The following ZNF516 variants were observed in gnomAD, a reference collection of about 807,000 sequenced individuals.
ZNF516 encodes the protein zinc finger protein 516.
Under a neutral mutation model 79.7 loss-of-function variants are expected in ZNF516, and 19 were observed. That is an observed-to-expected ratio of 0.24 (90% CI 0.17 to 0.35). The LOEUF (loss-of-function observed/expected upper bound fraction) is 0.35, where lower values mean the gene tolerates loss of function less well. Ranked by LOEUF, ZNF516 falls within the 10% of genes least tolerant of loss-of-function variation. The pLI, the probability that ZNF516 is intolerant of heterozygous loss-of-function variation, is 1.00. For missense variants in ZNF516, 1,678 were observed against 1,679.5 expected (o/e 1.00, Z 0.02); for synonymous variants, 877 against 739.5 (o/e 1.19, Z -3.02).
chr18:76,494,252 TTC>T (rs1330886892), intron 1 of ZNF516, among the ~76,000 whole-genome samples: 7 of 152,162 alleles, frequency 4.6e-5, no homozygotes, highest in African/African-American at 1.7e-4. Context: ...ATCGTAACTA[TTC>T]AGTCTGTTAG....
chr18:76,439,395 CCTCT>C (rs1241724689), intron 3 of ZNF516, among the ~76,000 whole-genome samples: 2 of 152,160 alleles, frequency 1.3e-5, no homozygotes, highest in African/African-American at 2.4e-5. Flanking sequence ...AAATTTCTGT[CCTCT>C]CTCAATAAGC....
chr18:76,371,912 C>T lies in ZNF516; in HGVS notation c.3260-341G>A, dbSNP rs571313837. 3.3e-5 allele frequency among the ~76,000 whole-genome samples: 5 copies of T among 152,350 alleles called. No homozygotes were observed. The East Asian group carries it at 9.7e-4, about 29-fold the overall frequency. On this transcript the variant is annotated intron_variant, in intron 4 of 6. Transcript: ENST00000443185. ...ACCCGGCTCTGTCAAGCAGCACATC[C>T]AGCAAATCAGAGTGACACCGGCGTG...
In ZNF516 at chr18:76,466,668, C is replaced by T. The variant is rs539022318; in HGVS notation, c.-271-3527G>A. Among the ~76,000 whole-genome samples, 16 of 152,352 alleles carry T rather than the reference C, an allele frequency of 1.1e-4. 1 individual carries two copies. The South Asian group carries it at 2.9e-3, about 28-fold the overall frequency. ...CGTGGCACACAGGACGCAGTGGTGC[C>T]TGCCTGCCAAGCCTGGGATGGGTGT... On this transcript the variant is annotated intron_variant, in intron 1 of 6. Coordinates refer to ENST00000443185, the MANE Select transcript of ZNF516 (RefSeq NM_014643.4).
intron 3 of ZNF516, among the ~76,000 whole-genome samples, chr18:76,399,795 A>G (rs537028247): frequency 6.6e-6 from 1 of 152,208 alleles, no homozygotes; most frequent in African/African-American, 2.4e-5. Context: ...CGTCCATTCA[A>G]TACCGGTCCC....
rs905065351 is a variant in ZNF516, at chr18:76,487,960, T to C, written c.-272+7184A>G. ...AGGGAACAGCTACACTGTCAGCTCA[T>C]GCCACCAGTTAGCGACCAGCCCAAG... On this transcript the variant is annotated intron_variant, in intron 1 of 6. Coordinates refer to ENST00000443185, the MANE Select transcript of ZNF516 (RefSeq NM_014643.4). 1.5e-5 allele frequency: 15 copies of C among 985,258 alleles called. No homozygotes were observed. In the African/African-American group the frequency reaches 2.4e-4, roughly 16 times the overall value. The allele number at this position is 985,258 out of a possible 1,614,324, so 61.0% of individuals were successfully genotyped here.
Position 76,360,821 on chromosome 18 carries a change from T to TAATATA in ZNF516, c.*1676_*1677insTATATT, listed in dbSNP as rs1189413546. ...ATAATAATAATAATAATAATAATAA[T>TAATATA]ATAATAATATTCAACAAATCATTAG... On this transcript the variant is annotated 3_prime_UTR_variant, in exon 7 of 7. Coordinates refer to ENST00000443185, the MANE Select transcript of ZNF516 (RefSeq NM_014643.4). 1 of 146,806 alleles carries TAATATA rather than the reference T, an allele frequency of 6.8e-6. No individual in the cohort carries two copies. The allele number at this position is 146,806 out of a possible 1,614,324, so 9.1% of individuals were successfully genotyped here. A position where few individuals can be genotyped will look rare whatever the true frequency, so the allele number is the denominator to read the frequency against.
chr18:76,440,654 G>A (rs1342029869), intron 3 of ZNF516, among the ~76,000 whole-genome samples: 2 of 152,174 alleles, frequency 1.3e-5, no homozygotes, highest in African/African-American at 4.8e-5. Flanking sequence ...AGGGTTACTT[G>A]AATCCAAGAA....
chr18:76,439,176 G>C (rs1315908582), intron 3 of ZNF516, among the ~76,000 whole-genome samples: 3 of 152,358 alleles, frequency 2.0e-5, no homozygotes, highest in Non-Finnish European at 2.9e-5. Context: ...AGTGTTTTGA[G>C]AGTAGTTAAA....
chr18:76,365,175 GATT>G (rs1333783072), intron 6 of ZNF516, among the ~76,000 whole-genome samples: 1 of 152,058 alleles, frequency 6.6e-6, no homozygotes, highest in African/African-American at 2.4e-5. Context: ...CTGTTATTTT[GATT>G]AATGGAATTA....
intron 3 of ZNF516, among the ~76,000 whole-genome samples, chr18:76,440,466 A>G (rs544487240): frequency 3.2e-4 from 49 of 152,268 alleles, no homozygotes; most frequent in Non-Finnish European, 6.2e-4. Context: ...CTCTAACTGA[A>G]ACATCACTTT....
intron 4 of ZNF516, chr18:76,378,157 C>G (rs1017366228): frequency 6.6e-6 from 1 of 152,192 alleles, no homozygotes; most frequent in Non-Finnish European, 1.5e-5. Context: ...TGTTCCAGAA[C>G]GGGGCACCGC....
At chr18:76,404,886 CTG>C (rs1167882616) in intron 3 of ZNF516, among the ~76,000 whole-genome samples, 2 of 152,190 alleles carry the variant, frequency 1.3e-5, no homozygotes, top group Admixed American at 1.3e-4. Flanking sequence ...GTGAGCATGA[CTG>C]TGAGTAGGAG....
chr18:76,391,589 G>A (rs1331248891), intron 3 of ZNF516, among the ~76,000 whole-genome samples: 1 of 152,146 alleles, frequency 6.6e-6, no homozygotes, highest in East Asian at 1.9e-4. Flanking sequence ...CCCGCAGCCA[G>A]GTCCTCCTGC....
rs761660108 is a variant in ZNF516, at chr18:76,379,043, G to A, written c.3071C>T (p.Ala1024Val). 213 of 1,610,784 alleles carry A rather than the reference G, an allele frequency of 1.3e-4. 3 individuals are homozygous for A. Among genetic ancestry groups the A allele is most frequent in the South Asian group, 7.1e-4 (65 of 91,014 alleles). Residue 1024 changes from alanine (A) to valine (V), a missense_variant, in exon 4 of 7, where the codon GCG (alanine) becomes GTG (valine). This residue lies in a region of ZNF516 where 1,294 missense variants were observed against 1,248.3 expected (regional missense o/e 1.04). Coordinates refer to ENST00000443185, the MANE Select transcript of ZNF516 (RefSeq NM_014643.4). ...ATCAAGSRGD[A>V]ALQAQPGVAG... Reference sequence around the variant, plus strand: ...CACGCCGGGCTGGGCCTGCAAGGCCGCGTCGCCCCTGGACCCCGCAGCACA... The same window carrying A: ...CACGCCGGGCTGGGCCTGCAAGGCCACGTCGCCCCTGGACCCCGCAGCACA...
At chr18:76,400,690 G>A (rs919473690) in intron 3 of ZNF516, among the ~76,000 whole-genome samples, 1 of 152,198 alleles carries the variant, frequency 6.6e-6, no homozygotes, top group Non-Finnish European at 1.5e-5. Context: ...GCATGTTATG[G>A]TTACACATAT....
intron 3 of ZNF516, among the ~76,000 whole-genome samples, chr18:76,409,032 A>G (rs1411313669): frequency 6.8e-6 from 1 of 146,336 alleles, no homozygotes; most frequent in Admixed American, 6.6e-5. Flanking sequence ...AAAAAATCAT[A>G]AAAGTTTTAC....
At chr18:76,425,743 G>A (rs924066568) in intron 3 of ZNF516, among the ~76,000 whole-genome samples, 4 of 152,154 alleles carry the variant, frequency 2.6e-5, no homozygotes, top group Non-Finnish European at 5.9e-5. Context: ...GCATTTTTCA[G>A]GGTCCCACAA....
At chr18:76,407,565 C>T in intron 3 of ZNF516, among the ~76,000 whole-genome samples, 1 of 152,200 alleles carries the variant, frequency 6.6e-6, no homozygotes, top group East Asian at 1.9e-4. Flanking sequence ...GCACAGACAA[C>T]ACCGCCCTCT....
At chr18:76,444,873 G>A (rs532645623) in intron 2 of ZNF516, among the ~76,000 whole-genome samples, 32 of 152,194 alleles carry the variant, frequency 2.1e-4, no homozygotes, top group Non-Finnish European at 3.7e-4. Flanking sequence ...CAAATACAGC[G>A]CCAGGTAGAA....
Sources: gnomAD v4.1 joint callset for allele counts (sites outside exome capture counted in the v4.1 genomes callset) on GRCh38, gnomAD v4.1.1 for gene constraint, gnomAD v4.1.1 regional missense constraint, MANE v1.5 for transcripts, NCBI Gene and HGNC (gene_info 2026-07-23, HGNC 2026-07-21) for gene names.